The following NUP42 variants were observed in gnomAD, a reference collection of about 807,000 sequenced individuals.
The protein encoded by NUP42 is nucleoporin NUP42.
NUP42 carries 47 observed loss-of-function variants against 35.9 expected under a neutral mutation model. That is an observed-to-expected ratio of 1.31 (90% confidence interval 1.04 to 1.67). The LOEUF is 1.67. Ranked by LOEUF, NUP42 falls within the 40% of genes most tolerant of loss-of-function variation. The pLI is 0.00. For synonymous variants in NUP42, 173 were observed against 173.3 expected, an observed-to-expected ratio of 1.00 and a Z score of 0.01; for missense variants, 514 against 492.2, an observed-to-expected ratio of 1.04 and a Z score of -0.42.
chr7:23,187,280 C>A (rs542100993), intron 3 of NUP42, 134 bp downstream of exon 3: 12 of 590,316 alleles, frequency 2.0e-5, no homozygotes, highest in Middle Eastern at 4.6e-4. Flanking sequence ...TTAAAGTATT[C>A]GAGTATTCTA....
intron 3 of NUP42, 168 bp downstream of exon 3, chr7:23,187,314 T>A: frequency 1.9e-6 from 1 of 536,802 alleles, no homozygotes; most frequent in Non-Finnish European, 3.3e-6. Context: ...ATTTAGAGAT[T>A]AAGGTTGGAG....
intron 5 of NUP42, among the ~76,000 whole-genome samples, chr7:23,197,687 G>C (rs1786060597): frequency 6.6e-6 from 1 of 152,152 alleles, no homozygotes; most frequent in Admixed American, 6.5e-5. Flanking sequence ...CCTTCCATAG[G>C]TTAGAATGTG....
intron 1 of NUP42, among the ~76,000 whole-genome samples, chr7:23,184,724 G>A (rs934158814): frequency 6.6e-6 from 1 of 152,196 alleles, no homozygotes; most frequent in African/African-American, 2.4e-5. Flanking sequence ...AAGAACAGTT[G>A]CTGGGCACAG....
At chr7:23,195,944 A>G (rs373432473) in intron 4 of NUP42, 29 bp downstream of exon 4, 200 of 1,360,258 alleles carry the variant, frequency 1.5e-4, no homozygotes, top group Non-Finnish European at 1.8e-4. Flanking sequence ...AATCTACTGC[A>G]ATAACAGATG....
chr7:23,188,013 AT>A (rs372134540), intron 3 of NUP42: 21,913 of 854,022 alleles, frequency 0.026, 1 homozygote, highest in Middle Eastern at 0.035. Flanking sequence ...TTTTATTTTT[AT>A]TTTTTTTTTT....
At chr7:23,184,562 A>G (rs190543126) in intron 1 of NUP42, among the ~76,000 whole-genome samples, 2 of 151,630 alleles carry the variant, frequency 1.3e-5, no homozygotes, top group African/African-American at 2.4e-5. Context: ...GCAATTGGCC[A>G]CTATGTGATT....
At chr7:23,191,173 A>C (rs1785777067) in intron 3 of NUP42, among the ~76,000 whole-genome samples, 1 of 152,222 alleles carries the variant, frequency 6.6e-6, no homozygotes, top group Non-Finnish European at 1.5e-5. Flanking sequence ...ATATGACAGT[A>C]AGGCCAGAGA....
At chr7:23,184,380 A>C (rs1321966246) in intron 1 of NUP42, among the ~76,000 whole-genome samples, 3 of 152,204 alleles carry the variant, frequency 2.0e-5, no homozygotes, top group South Asian at 2.1e-4. Flanking sequence ...GGGGGAGCAA[A>C]GAATGATAAA....
chr7:23,193,886 G>T (rs1785908868), intron 3 of NUP42, among the ~76,000 whole-genome samples: 1 of 152,242 alleles, frequency 6.6e-6, no homozygotes, highest in Admixed American at 6.5e-5. Flanking sequence ...CCGCAGGGAG[G>T]CAGCTAAGAC....
At position 23,200,363 on chromosome 7, in the gene NUP42, C is replaced by G. The variant is rs547828229; in HGVS notation, c.890C>G (p.Ser297Trp). Reference protein sequence around the residue: ...AFGFGKPEVTSAASFSFKSPA... With the variant: ...AFGFGKPEVTWAASFSFKSPA... ...GGATTTGGGAAGCCTGAAGTCACAT[C>G]GGCTGCATCATTTTCATTCAAAAGC... Residue 297 changes from serine (S) to tryptophan (W), a missense_variant, in exon 7 of 7, where the codon TCG becomes TGG. Physicochemically the swap from Ser to Trp is radical, Grantham distance 177. Coordinates refer to ENST00000258742, the MANE Select transcript of NUP42 (RefSeq NM_007342.3). 2 of 1,613,322 alleles carry G rather than the reference C, an allele frequency of 1.2e-6. No individual in the cohort carries two copies. Among genetic ancestry groups the G allele is most frequent in the Non-Finnish European group, 1.7e-6 (2 of 1,179,610 alleles).
In NUP42 at chr7:23,182,210, ACT is replaced by A; in HGVS notation, c.121+8_121+9del. 6.2e-7 allele frequency: 1 copy of A among 1,603,890 alleles called. No homozygotes were observed. The highest frequency in any genetic ancestry group is 1.1e-5 in the South Asian group (1 of 89,936). ...CAACCGCAGCAGCAGCCTTCAGGTG[ACT>A]CTCCTCTGAATCCTCCGCGGTAACC... On this transcript the variant is annotated splice_donor_5th_base_variant and intron_variant, in intron 1 of 6. Transcript: ENST00000258742.
intron 5 of NUP42, among the ~76,000 whole-genome samples, chr7:23,199,195 A>G (rs1786118840): frequency 6.6e-6 from 1 of 151,906 alleles, no homozygotes; most frequent in Non-Finnish European, 1.5e-5. Flanking sequence ...CTCCCACCTC[A>G]GGCTCCCAAA....
rs575670082 is a variant in NUP42 at position 23,184,892 on chromosome 7, G to A, written c.122-178G>A. On this transcript the variant is annotated intron_variant, in intron 1 of 6. Transcript: ENST00000258742. ...ATGGTGGTTTGCGCCTGTGGTCCCA[G>A]CTACTCAGGAGGCTGAGGTGGGAGG... is the stretch of plus-strand genomic sequence containing the variant. Among the ~76,000 whole-genome samples the A allele has an allele frequency of 1.1e-3, 162 of 152,258 alleles. 7 individuals are homozygous for A. In the South Asian group the frequency reaches 0.03, roughly 28 times the overall value.
At chr7:23,192,424 G>A (rs1211966228) in intron 3 of NUP42, among the ~76,000 whole-genome samples, 2 of 151,694 alleles carry the variant, frequency 1.3e-5, no homozygotes, top group Non-Finnish European at 2.9e-5. Context: ...GTGCATGCCT[G>A]TAATCCCAAC....
In NUP42 at chr7:23,188,148, T is replaced by C. The variant is rs1785668368; in HGVS notation, c.445+1002T>C. On this transcript the variant is annotated intron_variant, in intron 3 of 6. Coordinates refer to ENST00000258742, the MANE Select transcript of NUP42 (RefSeq NM_007342.3). ...CAGTGGGTACCTTGCAAATGGGAGCTCTTGCAATCAATATCGCAGAACCTT... is the reference window on the plus strand; with the variant it reads ...CAGTGGGTACCTTGCAAATGGGAGCCCTTGCAATCAATATCGCAGAACCTT... 6 of 1,314,778 alleles carry C rather than the reference T, an allele frequency of 4.6e-6. No individual in the cohort carries two copies. The South Asian group carries it at 1.4e-4, about 31-fold the overall frequency. The allele number at this position is 1,314,778 out of a possible 1,614,324, so 81.4% of individuals were successfully genotyped here.
Position 23,200,904 on chromosome 7 carries a change from A to C in NUP42, c.*159A>C. ...TTTTTTTCTTAACTCTAAATATTTAAGTAAAAAGTAACAAAAACTCTGCAA... is the reference window on the plus strand; with the variant it reads ...TTTTTTTCTTAACTCTAAATATTTACGTAAAAAGTAACAAAAACTCTGCAA... On this transcript the variant is annotated 3_prime_UTR_variant, in exon 7 of 7. Transcript: ENST00000258742. 2.3e-6 allele frequency: 1 copy of C among 426,316 alleles called. No individual in the cohort carries two copies. The highest frequency in any genetic ancestry group is 3.8e-5 in the East Asian group (1 of 26,262). 26.4% of individuals were successfully genotyped at this position (426,316 alleles called of 1,614,324 possible).
Position 23,200,388 on chromosome 7 carries a change from C to T in NUP42, c.915C>T (p.Ser305=), listed in dbSNP as rs1356519526. 1 of 1,614,104 alleles carries T rather than the reference C, an allele frequency of 6.2e-7. No homozygotes were observed. Among genetic ancestry groups the T allele is most frequent in the South Asian group, 1.1e-5 (1 of 91,082 alleles). ...VTSAASFSFK[S]PAASSFGSPG... ...CGGCTGCATCATTTTCATTCAAAAG[C>T]CCTGCAGCTTCCAGTTTTGGATCAC... The change falls in exon 7 of 7, where the codon AGC becomes AGT. Residue 305 remains serine, a synonymous_variant. Coordinates refer to ENST00000258742, the MANE Select transcript of NUP42 (RefSeq NM_007342.3).
intron 3 of NUP42, among the ~76,000 whole-genome samples, chr7:23,189,025 T>C (rs1036068515): frequency 2.0e-5 from 3 of 152,260 alleles, no homozygotes; most frequent in Admixed American, 1.3e-4. Context: ...TTTAGTATTC[T>C]GTGTGACAAA....
intron 1 of NUP42, 143 bp downstream of exon 1, chr7:23,182,349 C>T (rs1785437710): frequency 2.8e-6 from 4 of 1,440,058 alleles, no homozygotes; most frequent in East Asian, 2.5e-5. Flanking sequence ...CCCTGCACAA[C>T]GTTTTTAAAC....
Sources: allele counts gnomAD v4.1 joint callset (sites outside exome capture counted in the v4.1 genomes callset), GRCh38; gene constraint gnomAD v4.1.1; transcripts MANE v1.5; gene names NCBI Gene and HGNC (gene_info 2026-07-23, HGNC 2026-07-21).